The following AKAP19 variants were observed in gnomAD, a reference collection of about 807,000 sequenced individuals.
AKAP19 encodes the protein small A-kinase anchoring protein.
chr2:190,127,672 A>G, the AKAP19 span, among the ~76,000 whole-genome samples: 3 of 152,196 alleles, frequency 2.0e-5, no homozygotes. Context: ...CAAGAAGGCA[A>G]TGTTTACTAC....
chr2:190,011,029 A>G, the AKAP19 span, among the ~76,000 whole-genome samples: 3 of 137,196 alleles, frequency 2.2e-5, no homozygotes, highest in Admixed American at 1.5e-4. Context: ...ATTTTCTCCC[A>G]TTCTCTCATT....
At chr2:189,923,325 C>A in the AKAP19 span, 4 of 1,607,962 alleles carry the variant, frequency 2.5e-6, no homozygotes, top group Middle Eastern at 5.0e-4. Context: ...GAAACCTTAC[C>A]ATCAAACACA....
chr2:189,989,799 A>G, the AKAP19 span, among the ~76,000 whole-genome samples: 1 of 152,302 alleles, frequency 6.6e-6, no homozygotes, highest in African/African-American at 2.4e-5. Flanking sequence ...TTGTTCAATA[A>G]GTTTAACAAA....
chr2:189,986,509 C>T, the AKAP19 span, among the ~76,000 whole-genome samples: 1 of 151,700 alleles, frequency 6.6e-6, no homozygotes, highest in African/African-American at 2.4e-5. Flanking sequence ...AACTGGAGTG[C>T]TACAATCACA....
chr2:190,091,980 C>T, the AKAP19 span, among the ~76,000 whole-genome samples: 1 of 151,960 alleles, frequency 6.6e-6, no homozygotes, highest in Non-Finnish European at 1.5e-5. Flanking sequence ...ACAATATCTT[C>T]CTCAGAAATT....
chr2:190,113,932 G>C, the AKAP19 span, among the ~76,000 whole-genome samples: 6 of 152,184 alleles, frequency 3.9e-5, no homozygotes, highest in Non-Finnish European at 5.9e-5. Flanking sequence ...ATAAGACACT[G>C]CTTTCTTCCT....
At chr2:190,096,601 A>G in the AKAP19 span, among the ~76,000 whole-genome samples, 1 of 152,206 alleles carries the variant, frequency 6.6e-6, no homozygotes, top group South Asian at 2.1e-4. Flanking sequence ...TATTCATGCT[A>G]TCATTGACTC....
chr2:190,180,065 C>T, the AKAP19 span, among the ~76,000 whole-genome samples: 2 of 152,202 alleles, frequency 1.3e-5, no homozygotes, highest in East Asian at 1.9e-4. The surrounding 1 kb of genome is among the most constrained non-coding windows in gnomAD (Gnocchi z 6.8). Flanking sequence ...AAGAGAAACA[C>T]GCTTGGAAAA....
the AKAP19 span, among the ~76,000 whole-genome samples, chr2:190,034,534 CA>C: frequency 0.039 from 2,661 of 68,016 alleles, 57 homozygotes; most frequent in African/African-American, 0.17. Context: ...GGCTACAGTG[CA>C]AAAAAAAAAA....
At chr2:190,120,599 A>T in the AKAP19 span, among the ~76,000 whole-genome samples, 1 of 152,220 alleles carries the variant, frequency 6.6e-6, no homozygotes, top group Non-Finnish European at 1.5e-5. Flanking sequence ...TTTTGAAGAA[A>T]TAACTCACTT....
chr2:190,183,279 T>G, the AKAP19 span, among the ~76,000 whole-genome samples: 1 of 152,200 alleles, frequency 6.6e-6, no homozygotes, highest in Admixed American at 6.5e-5. Flanking sequence ...GGAAATCTAG[T>G]TGGCCTTCAG....
chr2:190,080,851 C>T, the AKAP19 span, among the ~76,000 whole-genome samples: 2 of 152,158 alleles, frequency 1.3e-5, no homozygotes, highest in African/African-American at 4.8e-5. Context: ...TCTACTACTA[C>T]AGCATTGAAG....
the AKAP19 span, among the ~76,000 whole-genome samples, chr2:190,047,409 G>A: frequency 1.3e-5 from 2 of 152,176 alleles, no homozygotes; most frequent in African/African-American, 2.4e-5. Flanking sequence ...CCAGTCCAGC[G>A]GAGGTGACTT....
At chr2:190,040,062 TG>T in the AKAP19 span, among the ~76,000 whole-genome samples, 1 of 152,250 alleles carries the variant, frequency 6.6e-6, no homozygotes, top group African/African-American at 2.4e-5. Context: ...CTGGCTCAAA[TG>T]GTAGTTGTGC....
the AKAP19 span, among the ~76,000 whole-genome samples, chr2:189,934,590 T>C: frequency 6.6e-6 from 1 of 150,440 alleles, no homozygotes; most frequent in Non-Finnish European, 1.5e-5. Flanking sequence ...GGTGCCCTTT[T>C]AATATTTCCT....
chr2:189,974,613 T>G, the AKAP19 span, among the ~76,000 whole-genome samples: 1 of 152,216 alleles, frequency 6.6e-6, no homozygotes, highest in Non-Finnish European at 1.5e-5. Context: ...TGTGGGAGTC[T>G]AAGTCTCTTT....
the AKAP19 span, among the ~76,000 whole-genome samples, chr2:190,075,590 TC>T: frequency 6.6e-6 from 1 of 152,190 alleles, no homozygotes; most frequent in African/African-American, 2.4e-5. Flanking sequence ...AAAATCATCT[TC>T]TTTATCTCTG....
chr2:190,073,331 G>A, the AKAP19 span, among the ~76,000 whole-genome samples: 2 of 152,176 alleles, frequency 1.3e-5, no homozygotes, highest in Non-Finnish European at 2.9e-5. Context: ...GACAGGTAAT[G>A]TAGAACAGTA....
the AKAP19 span, among the ~76,000 whole-genome samples, chr2:190,122,247 TGAACAG>T: frequency 1.3e-5 from 2 of 152,204 alleles, no homozygotes. Flanking sequence ...AAGATGAGAA[TGAACAG>T]GCAGAAGTCC....
Sources: gnomAD v4.1 joint callset for allele counts (sites outside exome capture counted in the v4.1 genomes callset) on GRCh38, gnomAD v4.1.1 for gene constraint, Gnocchi (gnomAD v3.1) non-coding constraint, MANE v1.5 for transcripts, NCBI Gene and HGNC (gene_info 2026-07-23, HGNC 2026-07-21) for gene names.